The following APAF1 variants were observed in gnomAD, a reference collection of about 807,000 sequenced individuals.
The protein encoded by APAF1 is apoptotic protease-activating factor 1.
In APAF1, 91 loss-of-function variants were observed where a neutral mutation model predicts 152.4. That is an observed-to-expected ratio of 0.60 (90% confidence interval 0.50 to 0.71). The LOEUF (loss-of-function observed/expected upper bound fraction) is 0.71, where lower values mean the gene tolerates loss of function less well. Among genes scored for constraint, APAF1 ranks in the 30% least tolerant of loss-of-function variants. APAF1 has a pLI of 0.00. For missense variants in APAF1, 1,283 were observed against 1,472.0 expected, an observed-to-expected ratio of 0.87 and a Z score of 2.10; for synonymous variants, 484 against 494.1, an observed-to-expected ratio of 0.98 and a Z score of 0.27.
chr12:98,695,227 G>A (rs1220537170), intron 16 of APAF1, among the ~76,000 whole-genome samples: 1 of 151,670 alleles, frequency 6.6e-6, no homozygotes, highest in African/African-American at 2.4e-5. Context: ...TCATTTTTGT[G>A]TTTTTAGTAG....
rs1430520165 is a variant in APAF1 at position 98,735,433 on chromosome 12, A to C, written c.*2867A>C. 2.3e-6 allele frequency: 1 copy of C among 431,812 alleles called. No homozygotes were observed. Among genetic ancestry groups the C allele is most frequent in the Non-Finnish European group, 4.2e-6 (1 of 238,706 alleles). The allele number at this position is 431,812 out of a possible 1,614,324, so 26.7% of individuals were successfully genotyped here. ...AATTCACAAAATTGTTTTGAAAAAC[A>C]TTTTTGGATTGTTTCATTCTTTGCT... On this transcript the variant is annotated 3_prime_UTR_variant, in exon 27 of 27. Transcript: ENST00000551964.
At chr12:98,694,228 G>A (rs1361034100) in intron 16 of APAF1, among the ~76,000 whole-genome samples, 1 of 152,100 alleles carries the variant, frequency 6.6e-6, no homozygotes, top group East Asian at 1.9e-4. Context: ...ATAATTTTTG[G>A]CCAAGTCCTC....
At chr12:98,673,584 A>G (rs1429463770) in intron 12 of APAF1, among the ~76,000 whole-genome samples, 1 of 152,226 alleles carries the variant, frequency 6.6e-6, no homozygotes, top group African/African-American at 2.4e-5. Flanking sequence ...ATATCTAAAT[A>G]GAAGTCCAGG....
intron 22 of APAF1, among the ~76,000 whole-genome samples, chr12:98,720,594 C>T (rs1289630811): frequency 6.6e-6 from 1 of 152,130 alleles, no homozygotes; most frequent in African/African-American, 2.4e-5. Flanking sequence ...TGATCCTTTA[C>T]CTTGAAGTAA....
intron 26 of APAF1, among the ~76,000 whole-genome samples, chr12:98,728,722 A>AAAAC: frequency 6.6e-6 from 1 of 152,316 alleles, no homozygotes; most frequent in South Asian, 2.1e-4. Context: ...GACTATCTCA[A>AAAAC]AAACAAACAA....
At chr12:98,729,437 T>C (rs1303570285) in intron 26 of APAF1, among the ~76,000 whole-genome samples, 2 of 152,160 alleles carry the variant, frequency 1.3e-5, no homozygotes, top group Non-Finnish European at 2.9e-5. Flanking sequence ...GGGCTCTTGC[T>C]CCTGTGAGAA....
At position 98,699,417 on chromosome 12, in the gene APAF1, G is replaced by A; in HGVS notation, c.2314G>A (p.Ala772Thr). The change falls in exon 17 of 27, where the codon GCG (alanine) becomes ACG (threonine). Residue 772 changes from alanine (A) to threonine (T), a missense_variant. Coordinates refer to ENST00000551964, the MANE Select transcript of APAF1 (RefSeq NM_181861.2). ...TTACTTTAATTCAAAGCTTTGGGAT[G>A]CGACATCAGCAAATGAGAGGAAAAG... ...SADGTLKLWD[A>T]TSANERKSIN... 2.5e-6 allele frequency: 4 copies of A among 1,614,042 alleles called. No individual in the cohort carries two copies. Among genetic ancestry groups the A allele is most frequent in the Non-Finnish European group, 2.5e-6 (3 of 1,179,980 alleles).
chr12:98,659,030 C>T, intron 4 of APAF1, 130 bp from the exon 5 acceptor site: 4 of 889,806 alleles, frequency 4.5e-6, no homozygotes, highest in South Asian at 3.0e-5. Context: ...AAAATTTCTA[C>T]TCTAAATCAA....
intron 1 of APAF1, among the ~76,000 whole-genome samples, chr12:98,647,674 C>T (rs551902275): frequency 4.0e-5 from 6 of 149,712 alleles, no homozygotes; most frequent in African/African-American, 1.5e-4. Flanking sequence ...CCGGCCCCCA[C>T]GTTATGTGTT....
At position 98,708,662 on chromosome 12, in the gene APAF1, T is replaced by G; in HGVS notation, c.2799T>G (p.Asn933Lys). 6.2e-7 allele frequency: 1 copy of G among 1,613,808 alleles called. No homozygotes were observed. Among genetic ancestry groups the G allele is most frequent in the Non-Finnish European group, 8.5e-7 (1 of 1,179,868 alleles). ...AAGTAGATGTTGTGTTTCAAGAAAA[T>G]GAAGTGATGGTCCTTGCAGTTGACC... The part of the protein sequence containing the change: ...KQEVDVVFQE[N>K]EVMVLAVDHI... Residue 933 changes from asparagine (N) to lysine (K), a missense_variant, in exon 20 of 27, where the codon AAT becomes AAG. Coordinates refer to ENST00000551964, the MANE Select transcript of APAF1 (RefSeq NM_181861.2).
chr12:98,725,841 AC>A (rs1026362284), intron 25 of APAF1, among the ~76,000 whole-genome samples: 1 of 152,194 alleles, frequency 6.6e-6, no homozygotes, highest in African/African-American at 2.4e-5. Flanking sequence ...TTGGACTTGA[AC>A]CAAAGGTTTT....
intron 21 of APAF1, 56 bp downstream of exon 21, chr12:98,712,491 T>C: frequency 1.0e-6 from 1 of 1,001,856 alleles, no homozygotes; most frequent in Non-Finnish European, 1.6e-6. Context: ...AAACTAATTA[T>C]ATGTCTGGCA....
intron 4 of APAF1, among the ~76,000 whole-genome samples, chr12:98,650,157 C>T (rs75666371): frequency 0.037 from 5,579 of 152,238 alleles, 152 homozygotes; most frequent in Middle Eastern, 0.13. Context: ...TATGACACTT[C>T]TAGGGGAATT....
chr12:98,695,439 A>T (rs2097708847), intron 16 of APAF1, among the ~76,000 whole-genome samples: 1 of 148,884 alleles, frequency 6.7e-6, no homozygotes, highest in South Asian at 2.1e-4. Flanking sequence ...ATTGCAGCTC[A>T]CTGCAGCCTC....
chr12:98,679,854 C>T (rs74472032), intron 13 of APAF1, among the ~76,000 whole-genome samples: 18,322 of 152,306 alleles, frequency 0.12, 1,157 homozygotes, highest in East Asian at 0.23. Context: ...CTGGACCCCA[C>T]GCTCACTCAC....
intron 15 of APAF1, among the ~76,000 whole-genome samples, chr12:98,686,037 C>T (rs2097697691): frequency 6.6e-6 from 1 of 152,198 alleles, no homozygotes; most frequent in Admixed American, 6.5e-5. Flanking sequence ...TGTTTATTAT[C>T]ATACCATACT....
chr12:98,723,551 A>G (rs2097746061), intron 23 of APAF1, 88 bp from the exon 24 acceptor site: 11 of 1,292,924 alleles, frequency 8.5e-6, no homozygotes, highest in African/African-American at 1.5e-5. Flanking sequence ...CTCTTGTTTT[A>G]TAGACCTGTC....
rs1593040633 is a variant in APAF1 at position 98,666,431 on chromosome 12, A to G, written c.1362+74A>G. ...ATTTTAGATTTATTGAAAATTTACAAAATAGTAGATAGTTTCTGTGCATAA... is the reference window on the plus strand; with the variant it reads ...ATTTTAGATTTATTGAAAATTTACAGAATAGTAGATAGTTTCTGTGCATAA... On this transcript the variant is annotated intron_variant, in intron 9 of 26. Transcript: ENST00000551964. 31 of 1,439,812 alleles carry G rather than the reference A, an allele frequency of 2.2e-5. 1 individual carries two copies. The East Asian group carries it at 6.9e-4, about 32-fold the overall frequency. 89.2% of individuals were successfully genotyped at this position (1,439,812 alleles called of 1,614,324 possible).
At chr12:98,665,852 CT>C in intron 8 of APAF1, 61 bp downstream of exon 8, 1 of 1,369,982 alleles carries the variant, frequency 7.3e-7, no homozygotes, top group Non-Finnish European at 1.0e-6. Flanking sequence ...TGATATAGTA[CT>C]GAGCATGTTG....
Sources: gnomAD v4.1 joint callset for allele counts (sites outside exome capture counted in the v4.1 genomes callset) on GRCh38, gnomAD v4.1.1 for gene constraint, MANE v1.5 for transcripts, NCBI Gene and HGNC (gene_info 2026-07-23, HGNC 2026-07-21) for gene names.